SPPL2A: variants seen among roughly 807,000 people sequenced by gnomAD.
The protein encoded by SPPL2A is signal peptide peptidase like 2A.
SPPL2A carries 51 observed loss-of-function variants against 63.8 expected under a neutral mutation model. The observed-to-expected ratio is 0.80, with a 90% CI of 0.64 to 1.01. SPPL2A has a LOEUF of 1.01. SPPL2A is among the 50% of genes least tolerant of loss of function. The probability of loss-of-function intolerance (pLI) is 0.00; values close to 1 mark genes in which losing one functional copy is unlikely to be tolerated. For missense variants in SPPL2A, 553 were observed against 622.7 expected, an observed-to-expected ratio of 0.89 and a Z score of 1.19; for synonymous variants, 188 against 205.8, an observed-to-expected ratio of 0.91 and a Z score of 0.74.
At chr15:50,741,353 T>A (rs1432811984) in intron 5 of SPPL2A, among the ~76,000 whole-genome samples, 14 of 146,784 alleles carry the variant, frequency 9.5e-5, no homozygotes, top group Non-Finnish European at 1.5e-4. Flanking sequence ...AAATTAATTT[T>A]AAAAATAAAA....
At chr15:50,728,407 G>T (rs1005681638) in intron 10 of SPPL2A, among the ~76,000 whole-genome samples, 3 of 151,712 alleles carry the variant, frequency 2.0e-5, no homozygotes, top group Admixed American at 6.6e-5. Context: ...GCAGTGACAC[G>T]ATCTCGGATC....
chr15:50,720,492 A>T (rs1227143047), intron 13 of SPPL2A, among the ~76,000 whole-genome samples: 1 of 151,766 alleles, frequency 6.6e-6, no homozygotes, highest in African/African-American at 2.4e-5. Flanking sequence ...AAGCTTTGTT[A>T]ATAAGCACAT....
chr15:50,732,324 TA>T (rs1331032777), intron 9 of SPPL2A, among the ~76,000 whole-genome samples: 3 of 19,192 alleles, frequency 1.6e-4, no homozygotes, highest in Non-Finnish European at 1.8e-4. Context: ...TTTATACAAA[TA>T]AAAGAAAGAA....
chr15:50,759,752 A>G (rs1188860081), intron 1 of SPPL2A, among the ~76,000 whole-genome samples: 1 of 152,052 alleles, frequency 6.6e-6, no homozygotes, highest in Non-Finnish European at 1.5e-5. Context: ...CAAAAAAAAA[A>G]AAAGAAAGAA....
At chr15:50,736,498 T>G in intron 7 of SPPL2A, 146 bp downstream of exon 7, 1 of 534,798 alleles carries the variant, frequency 1.9e-6, no homozygotes, top group South Asian at 3.4e-5. Context: ...ATTTTTAATT[T>G]TATTTAATTT....
intron 14 of SPPL2A, among the ~76,000 whole-genome samples, chr15:50,712,679 C>CCCCT (rs35199045): frequency 4.1e-4 from 42 of 102,950 alleles, no homozygotes; most frequent in Non-Finnish European, 6.2e-4. Flanking sequence ...CTCCCCCCCC[C>CCCCT]TTTTTTTTTT....
At chr15:50,762,097 G>A (rs1293667903) in intron 1 of SPPL2A, among the ~76,000 whole-genome samples, 1 of 152,004 alleles carries the variant, frequency 6.6e-6, no homozygotes, top group Admixed American at 6.6e-5. Context: ...GCCAGGCATG[G>A]TGACTCATGT....
intron 5 of SPPL2A, among the ~76,000 whole-genome samples, chr15:50,746,058 T>A (rs924705616): frequency 6.6e-6 from 1 of 151,438 alleles, no homozygotes; most frequent in Non-Finnish European, 1.5e-5. Flanking sequence ...CTCAAAAAAA[T>A]ATATATAAAT....
intron 5 of SPPL2A, 37 bp downstream of exon 5, chr15:50,747,458 C>A (rs2062866973): frequency 1.3e-6 from 2 of 1,546,836 alleles, no homozygotes; most frequent in Non-Finnish European, 1.8e-6. Context: ...AATTTTTAAC[C>A]ATTTATTACA....
chr15:50,744,341 C>G (rs537507231), intron 5 of SPPL2A, among the ~76,000 whole-genome samples: 42 of 152,254 alleles, frequency 2.8e-4, no homozygotes, highest in African/African-American at 9.9e-4. Context: ...TAACATTTCC[C>G]TCTTGATGTA....
At chr15:50,715,711 T>C (rs1345377363) in intron 14 of SPPL2A, among the ~76,000 whole-genome samples, 1 of 151,932 alleles carries the variant, frequency 6.6e-6, no homozygotes, top group Non-Finnish European at 1.5e-5. Flanking sequence ...GTAATTAAGA[T>C]ACAAAAAAGA....
chr15:50,734,358 G>A (rs1401154766), intron 8 of SPPL2A, among the ~76,000 whole-genome samples: 1 of 152,146 alleles, frequency 6.6e-6, no homozygotes, highest in Non-Finnish European at 1.5e-5. Context: ...CTTGTCATTT[G>A]CAAAGACATG....
intron 1 of SPPL2A, among the ~76,000 whole-genome samples, chr15:50,758,776 T>G (rs573963796): frequency 3.3e-5 from 5 of 152,246 alleles, no homozygotes; most frequent in African/African-American, 4.8e-5. Flanking sequence ...TAAAAAAAAT[T>G]TTTACTATCT....
intron 14 of SPPL2A, among the ~76,000 whole-genome samples, chr15:50,711,850 T>G (rs2062561685): frequency 6.6e-6 from 1 of 152,222 alleles, no homozygotes; most frequent in African/African-American, 2.4e-5. Flanking sequence ...GTTTTGTCTT[T>G]GATTATTTCA....
At chr15:50,763,769 T>C (rs1232806099) in intron 1 of SPPL2A, among the ~76,000 whole-genome samples, 4 of 151,976 alleles carry the variant, frequency 2.6e-5, no homozygotes, top group African/African-American at 9.7e-5. Context: ...ATGGTGGTGC[T>C]TGCCTGTGAT....
At chr15:50,731,280 C>T (rs1242103705) in intron 9 of SPPL2A, among the ~76,000 whole-genome samples, 1 of 152,156 alleles carries the variant, frequency 6.6e-6, no homozygotes. Flanking sequence ...GGCCTGGTGG[C>T]TCACGCCTGT....
chr15:50,759,064 C>T (rs1392399048), intron 1 of SPPL2A, among the ~76,000 whole-genome samples: 1 of 152,020 alleles, frequency 6.6e-6, no homozygotes, highest in Non-Finnish European at 1.5e-5. Flanking sequence ...CTGTACCCGG[C>T]TAATTTATAA....
chr15:50,761,835 G>C (rs545631578), intron 1 of SPPL2A, among the ~76,000 whole-genome samples: 2 of 151,968 alleles, frequency 1.3e-5, no homozygotes, highest in Non-Finnish European at 2.9e-5. Context: ...GGGAGACTGA[G>C]GCAGGAGAAT....
At chr15:50,732,289 T>C (rs1190749817) in intron 9 of SPPL2A, among the ~76,000 whole-genome samples, 15 of 150,328 alleles carry the variant, frequency 1.0e-4, no homozygotes, top group Admixed American at 7.4e-4. Context: ...ATCCATGTAA[T>C]AAAACTACAC....
Sources: gnomAD v4.1 joint callset for allele counts (sites outside exome capture counted in the v4.1 genomes callset) on GRCh38, gnomAD v4.1.1 for gene constraint, MANE v1.5 for transcripts, NCBI Gene and HGNC (gene_info 2026-07-23, HGNC 2026-07-21) for gene names.